The following SYT10 variants were observed in gnomAD, a reference collection of about 807,000 sequenced individuals.
SYT10 encodes the protein synaptotagmin-10.
SYT10 carries 31 observed loss-of-function variants against 51.1 expected under a neutral mutation model. The ratio of observed to expected loss-of-function variants is 0.61; its 90% confidence interval spans 0.46 to 0.82. The LOEUF is 0.82. SYT10 is among the 40% of genes least tolerant of loss of function. The pLI is 0.00. For missense variants in SYT10, 603 were observed against 634.0 expected (o/e 0.95, Z 0.53); for synonymous variants, 233 against 225.9 (o/e 1.03, Z -0.28).
chr12:33,380,000 T>C, intron 5 of SYT10, 39 bp from the exon 6 acceptor site: 1 of 1,562,930 alleles, frequency 6.4e-7, no homozygotes, highest in East Asian at 2.3e-5. Flanking sequence ...TTTCCAACAT[T>C]CAAAGATAAA....
intron 2 of SYT10, among the ~76,000 whole-genome samples, chr12:33,410,985 C>T (rs1591991476): frequency 6.6e-6 from 1 of 152,192 alleles, no homozygotes; most frequent in South Asian, 2.1e-4. Context: ...TCAACTGAGC[C>T]TCATGTAACC....
At chr12:33,398,025 C>T (rs1171028072) in intron 3 of SYT10, among the ~76,000 whole-genome samples, 9 of 151,802 alleles carry the variant, frequency 5.9e-5, no homozygotes, top group Admixed American at 5.2e-4. Flanking sequence ...AGTCAGAAAT[C>T]GGAAGGGATG....
At chr12:33,393,499 C>T (rs756266232) in intron 3 of SYT10, among the ~76,000 whole-genome samples, 7 of 152,022 alleles carry the variant, frequency 4.6e-5, no homozygotes, top group Non-Finnish European at 1.0e-4. Flanking sequence ...ATATAGACAC[C>T]CAGACTGGAT....
At chr12:33,403,511 A>T (rs2138411115) in intron 3 of SYT10, among the ~76,000 whole-genome samples, 1 of 152,286 alleles carries the variant, frequency 6.6e-6, no homozygotes, top group South Asian at 2.1e-4. Context: ...CTGGGATTAC[A>T]GGCATGAGCC....
chr12:33,385,016 G>T (rs540549730), intron 4 of SYT10, among the ~76,000 whole-genome samples, 155 bp downstream of exon 4: 1 of 152,238 alleles, frequency 6.6e-6, no homozygotes, highest in East Asian at 1.9e-4. Context: ...ATATATAAAA[G>T]AGATGAATTG....
At chr12:33,419,882 C>T (rs1359594142) in intron 2 of SYT10, among the ~76,000 whole-genome samples, 1 of 152,128 alleles carries the variant, frequency 6.6e-6, no homozygotes, top group Non-Finnish European at 1.5e-5. Flanking sequence ...AAAAAATTCT[C>T]AATAATAACT....
intron 6 of SYT10, among the ~76,000 whole-genome samples, chr12:33,378,256 A>T (rs1334423829): frequency 6.6e-6 from 1 of 152,180 alleles, no homozygotes; most frequent in Non-Finnish European, 1.5e-5. Flanking sequence ...GTTACGACAA[A>T]AAAGTGTCTA....
At chr12:33,378,680 C>T (rs1448780263) in intron 6 of SYT10, among the ~76,000 whole-genome samples, 2 of 152,102 alleles carry the variant, frequency 1.3e-5, no homozygotes, top group African/African-American at 4.8e-5. Context: ...ACTAATTATA[C>T]AATAAGCAGT....
chr12:33,436,247 G>T (rs1441243990), intron 1 of SYT10, among the ~76,000 whole-genome samples: 1 of 152,012 alleles, frequency 6.6e-6, no homozygotes, highest in African/African-American at 2.4e-5. Context: ...AATAACTTTT[G>T]GGTCCAATAT....
intron 2 of SYT10, among the ~76,000 whole-genome samples, chr12:33,422,131 C>T (rs1327583925): frequency 2.0e-5 from 3 of 151,360 alleles, no homozygotes; most frequent in South Asian, 2.1e-4. Flanking sequence ...GAAGTGAATA[C>T]GGCTGATTTT....
At chr12:33,408,526 C>T (rs1208881070) in intron 2 of SYT10, among the ~76,000 whole-genome samples, 5 of 152,170 alleles carry the variant, frequency 3.3e-5, no homozygotes, top group Admixed American at 2.0e-4. Context: ...CTTTCTGGCA[C>T]GAACTGTGCC....
chr12:33,411,844 C>G (rs1866409651), intron 2 of SYT10, among the ~76,000 whole-genome samples: 1 of 151,818 alleles, frequency 6.6e-6, no homozygotes, highest in Non-Finnish European at 1.5e-5. Context: ...AGATCAGGAG[C>G]TTAAATTAGG....
chr12:33,388,101 C>A (rs1168554942), intron 3 of SYT10, among the ~76,000 whole-genome samples: 1 of 143,246 alleles, frequency 7.0e-6, no homozygotes, highest in Non-Finnish European at 1.5e-5. Flanking sequence ...GTAAAAATAG[C>A]TACAAAGGTA....
rs1018770716 is a variant in SYT10, at chr12:33,406,831, G to C, written c.1035C>G (p.Ser345=). ...TATCTTTCCATACTGTGGCTTCCCT[G>C]GAGAGATCAGAGACTTCAAACAAAT... The part of the protein sequence containing the change: ...LDNLFEVSDL[S]REATVWKDIH... The change falls in exon 3 of 7, where the codon TCC becomes TCG. Residue 345 remains serine, a synonymous_variant. Transcript: ENST00000228567. 37 of 1,613,632 alleles carry C rather than the reference G, an allele frequency of 2.3e-5. No homozygotes were observed. Among genetic ancestry groups the C allele is most frequent in the Non-Finnish European group, 3.1e-5 (36 of 1,179,970 alleles).
chr12:33,393,433 G>A (rs1866227473), intron 3 of SYT10, among the ~76,000 whole-genome samples: 2 of 152,172 alleles, frequency 1.3e-5, no homozygotes, highest in Non-Finnish European at 2.9e-5. Flanking sequence ...TAGACTGTTT[G>A]ATGCTTTTAA....
At position 33,419,277 on chromosome 12, in the gene SYT10, T is replaced by G. The variant is rs142683210; in HGVS notation, c.509+6861A>C. 3.9e-3 allele frequency among the ~76,000 whole-genome samples: 600 copies of G among 152,244 alleles called. 5 individuals are homozygous for G. The highest frequency in any genetic ancestry group is 0.012 in the African/African-American group (478 of 41,546). On this transcript the variant is annotated intron_variant, in intron 2 of 6. Transcript: ENST00000228567. ...TATAACTTATAAGAATGTGTGTGTG[T>G]GGGGGGACTTTTGACAGTTTTGTGC...
At chr12:33,393,379 T>C (rs777481730) in intron 3 of SYT10, among the ~76,000 whole-genome samples, 3 of 152,176 alleles carry the variant, frequency 2.0e-5, no homozygotes, top group Non-Finnish European at 4.4e-5. Flanking sequence ...CATTTACAGA[T>C]AGGGGCATGA....
rs1308684169 is a variant in SYT10 at position 33,439,749 on chromosome 12, G to C, written c.-227C>G. ...CGCGCGAGGAGGCTGCGGCTGCCGCGAGGTTTGCGCCAACTCTCCCGCCGC... is the reference window on the plus strand; with the variant it reads ...CGCGCGAGGAGGCTGCGGCTGCCGCCAGGTTTGCGCCAACTCTCCCGCCGC... On this transcript the variant is annotated 5_prime_UTR_variant, in exon 1 of 7. Transcript: ENST00000228567. The C allele has an allele frequency of 3.7e-6, 2 of 540,078 alleles. No homozygotes were observed. The highest frequency in any genetic ancestry group is 6.4e-6 in the Non-Finnish European group (2 of 311,842). 33.5% of individuals were successfully genotyped at this position (540,078 alleles called of 1,614,324 possible). A position where few individuals can be genotyped will look rare whatever the true frequency, so the allele number is the denominator to read the frequency against.
intron 2 of SYT10, among the ~76,000 whole-genome samples, chr12:33,418,161 C>T (rs1249139277): frequency 6.6e-6 from 1 of 152,072 alleles, no homozygotes; most frequent in Non-Finnish European, 1.5e-5. Flanking sequence ...TAAATTCAAA[C>T]AGGTCCATTC....
Sources: gnomAD v4.1 joint callset for allele counts (sites outside exome capture counted in the v4.1 genomes callset) on GRCh38, gnomAD v4.1.1 for gene constraint, MANE v1.5 for transcripts, NCBI Gene and HGNC (gene_info 2026-07-23, HGNC 2026-07-21) for gene names.